ZNF676: variants seen among roughly 807,000 people sequenced by gnomAD.
ZNF676 encodes zinc finger protein 676.
A neutral mutation model predicts 6.0 loss-of-function variants in ZNF676; 4 were observed. The ratio of observed to expected loss-of-function variants is 0.67; its 90% CI spans 0.33 to 1.53. The LOEUF is 1.53. Among genes scored for constraint, ZNF676 ranks in the 40% most tolerant of loss-of-function variants. The pLI is 0.06. For missense variants in ZNF676, 644 were observed against 679.7 expected (o/e 0.95, Z 0.58); for synonymous variants, 198 against 223.1 (o/e 0.89, Z 1.00).
chr19:22,206,648 C>G (rs1272960538), intron 1 of ZNF676, among the ~76,000 whole-genome samples: 2 of 151,800 alleles, frequency 1.3e-5, no homozygotes, highest in Non-Finnish European at 2.9e-5. Context: ...GCACTCCAGC[C>G]TGGATGACAC....
At chr19:22,257,121 C>T in the ZNF676 span, among the ~76,000 whole-genome samples, 1 of 152,160 alleles carries the variant, frequency 6.6e-6, no homozygotes, top group East Asian at 1.9e-4. Context: ...TTGCAATCTT[C>T]CTTGAAAGCA....
At chr19:22,243,047 C>T in the ZNF676 span, among the ~76,000 whole-genome samples, 1 of 151,818 alleles carries the variant, frequency 6.6e-6, no homozygotes, top group Non-Finnish European at 1.5e-5. Context: ...TATTAAGTTA[C>T]TCTCCCTTCT....
intron 2 of ZNF676, among the ~76,000 whole-genome samples, chr19:22,181,910 G>A (rs2023760402): frequency 6.7e-6 from 1 of 149,996 alleles, no homozygotes; most frequent in Non-Finnish European, 1.5e-5. Flanking sequence ...CCCTTCAGAA[G>A]CAAATTGTCC....
chr19:22,242,772 A>T, the ZNF676 span, among the ~76,000 whole-genome samples: 2 of 151,712 alleles, frequency 1.3e-5, no homozygotes, highest in African/African-American at 4.9e-5. Context: ...ATTCTGTGTA[A>T]GGCTCAGGAA....
chr19:22,253,424 G>GTGTATA, the ZNF676 span, among the ~76,000 whole-genome samples: 6 of 52,424 alleles, frequency 1.1e-4, no homozygotes, highest in African/African-American at 3.2e-4. Context: ...ATATGATAAT[G>GTGTATA]TATATATATA....
the ZNF676 span, among the ~76,000 whole-genome samples, chr19:22,227,132 G>T: frequency 6.6e-6 from 1 of 152,104 alleles, no homozygotes. Flanking sequence ...ATCAGCAAAT[G>T]CAAAAGAATG....
intron 1 of ZNF676, among the ~76,000 whole-genome samples, chr19:22,212,072 TGCCTGTAGTCCCA>T (rs2024134137): frequency 6.6e-6 from 1 of 150,652 alleles, no homozygotes; most frequent in Non-Finnish European, 1.5e-5. Context: ...TGGTGGCGGG[TGCCTGTAGTCCCA>T]GCTACTTGGG....
At chr19:22,244,405 G>A in the ZNF676 span, 3 of 152,112 alleles carry the variant, frequency 2.0e-5, no homozygotes, top group Admixed American at 6.6e-5. Context: ...TGTTTCCCTA[G>A]GCTACAATAC....
chr19:22,189,033 A>G (rs1255834727), intron 2 of ZNF676, among the ~76,000 whole-genome samples: 1 of 151,732 alleles, frequency 6.6e-6, no homozygotes, highest in African/African-American at 2.4e-5. Context: ...CAAAAAAAAA[A>G]TCTCACATGG....
chr19:22,224,424 G>A, the ZNF676 span, among the ~76,000 whole-genome samples: 35 of 138,426 alleles, frequency 2.5e-4, no homozygotes, highest in South Asian at 1.1e-3. Context: ...CTATAAATAT[G>A]ACTCCAATTA....
chr19:22,232,975 C>T, the ZNF676 span, among the ~76,000 whole-genome samples: 9 of 151,804 alleles, frequency 5.9e-5, no homozygotes, highest in Admixed American at 4.6e-4. Context: ...AATAAAATAC[C>T]CAATAATCTT....
intron 1 of ZNF676, among the ~76,000 whole-genome samples, chr19:22,194,082 C>T (rs1293297882): frequency 6.6e-6 from 1 of 152,104 alleles, no homozygotes; most frequent in Non-Finnish European, 1.5e-5. Context: ...AGGCAATGGC[C>T]CATTTTCAGA....
chr19:22,204,343 T>C (rs1159468991), intron 1 of ZNF676, among the ~76,000 whole-genome samples: 8 of 152,196 alleles, frequency 5.3e-5, no homozygotes, highest in African/African-American at 1.9e-4. Flanking sequence ...ATCTGAACTA[T>C]AATTCAGTTG....
rs761983232 is a variant in ZNF676 at position 22,196,625 on chromosome 19, C to A, written c.9G>T (p.Glu3Asp). 1 of 1,613,734 alleles carries A rather than the reference C, an allele frequency of 6.2e-7. No homozygotes were observed. Among genetic ancestry groups the A allele is most frequent in the Non-Finnish European group, 8.5e-7 (1 of 1,179,678 alleles). MLENYRNLVFLGI... is the reference protein window; with the variant it reads MLDNYRNLVFLGI... ...CCAGGAAGACCAGGTTTCTGTAGTT[C>A]TCTAACATCACATTCCTATATAAAT... The change falls in exon 1 of 3, where the codon GAG becomes GAT. Residue 3 changes from glutamate to aspartate, a missense_variant. Glu to Asp is a conservative substitution (Grantham distance 45). Coordinates refer to ENST00000397121, the MANE Select transcript of ZNF676 (RefSeq NM_001001411.3).
chr19:22,218,329 CT>C (rs556997279), upstream of ZNF676, among the ~76,000 whole-genome samples: 26 of 150,804 alleles, frequency 1.7e-4, no homozygotes, highest in Middle Eastern at 3.4e-3. Flanking sequence ...GATGAAGATA[CT>C]TTTTTTTTAT....
At chr19:22,197,543 G>C (rs1488678262), upstream of ZNF676, among the ~76,000 whole-genome samples, 3 of 151,024 alleles carry the variant, frequency 2.0e-5, no homozygotes, top group African/African-American at 7.3e-5. Context: ...CAATGTTTTT[G>C]GCCCAAAAAG....
chr19:22,197,576 A>G (rs1189499269), upstream of ZNF676, among the ~76,000 whole-genome samples: 1 of 152,116 alleles, frequency 6.6e-6, no homozygotes, highest in Non-Finnish European at 1.5e-5. Flanking sequence ...AACATCCAGT[A>G]ATAGAATGAG....
At chr19:22,197,516 T>A (rs2023980057), upstream of ZNF676, among the ~76,000 whole-genome samples, 1 of 151,994 alleles carries the variant, frequency 6.6e-6, no homozygotes, top group Non-Finnish European at 1.5e-5. Flanking sequence ...GAATTTCTAA[T>A]AAGCTCATCA....
chr19:22,183,556 TG>T (rs1199495335), intron 2 of ZNF676, among the ~76,000 whole-genome samples: 2 of 81,726 alleles, frequency 2.4e-5, no homozygotes, highest in African/African-American at 1.2e-4. Flanking sequence ...CAGGCTGGTC[TG>T]GAACCCCTCA....
Sources: allele counts gnomAD v4.1 joint callset (sites outside exome capture counted in the v4.1 genomes callset), GRCh38; gene constraint gnomAD v4.1.1; transcripts MANE v1.5; gene names NCBI Gene and HGNC (gene_info 2026-07-23, HGNC 2026-07-21).